Variants in TRHDE observed in about 807,000 individuals in gnomAD.
The protein encoded by TRHDE is thyrotropin-releasing hormone-degrading ectoenzyme.
Under a neutral mutation model 125.7 loss-of-function variants are expected in TRHDE, and 72 were observed. The ratio of observed to expected loss-of-function variants is 0.57; its 90% confidence interval spans 0.47 to 0.70. The LOEUF (loss-of-function observed/expected upper bound fraction) is 0.70. Among genes scored for constraint, TRHDE ranks in the 30% least tolerant of loss-of-function variants. The pLI, the probability that TRHDE is intolerant of heterozygous loss-of-function variation, is 0.00. For missense variants in TRHDE, 1,110 were observed against 1,327.1 expected (o/e 0.84, Z 2.54); for synonymous variants, 509 against 509.1 (o/e 1.00, Z 0.00).
intron 2 of TRHDE, among the ~76,000 whole-genome samples, chr12:72,154,204 G>A (rs1213953121): frequency 6.6e-6 from 1 of 152,074 alleles, no homozygotes; most frequent in Non-Finnish European, 1.5e-5. Context: ...TTTTATCAGA[G>A]ACTAGGATTG....
chr12:72,213,933 C>T (rs1424830031), intron 2 of TRHDE, among the ~76,000 whole-genome samples: 1 of 151,864 alleles, frequency 6.6e-6, no homozygotes, highest in African/African-American at 2.4e-5. Context: ...GCTAAAATTC[C>T]AAATTAAAAA....
At chr12:72,271,723 ACACACACG>A (rs1245084177), upstream of TRHDE, 32 of 364,348 alleles carry the variant, frequency 8.8e-5, no homozygotes, top group Middle Eastern at 1.7e-3. Context: ...CTGTGTATAT[ACACACACG>A]CACACACGCG....
intron 7 of TRHDE, among the ~76,000 whole-genome samples, chr12:72,548,967 AT>A (rs1245318994): frequency 6.6e-6 from 1 of 151,832 alleles, no homozygotes; most frequent in Non-Finnish European, 1.5e-5. Context: ...GTAATTCACC[AT>A]CATCTAAAAT....
In TRHDE at chr12:72,115,851, A is replaced by G. The variant is rs2139298114; in HGVS notation, n.279+10099A>G. Reference sequence around the variant, plus strand: ...TTTGCCATTTATATGTCTTTTTTAAAAAAATTTTACTTCAAGTTCTAGGAT... The same window carrying G: ...TTTGCCATTTATATGTCTTTTTTAAGAAAATTTTACTTCAAGTTCTAGGAT... On this transcript the variant is annotated intron_variant and non_coding_transcript_variant, in intron 2 of 4. Transcript: ENST00000548156. 1.3e-5 allele frequency among the ~76,000 whole-genome samples: 2 copies of G among 152,218 alleles called. 1 individual carries two copies. Among genetic ancestry groups the G allele is most frequent in the Admixed American group, 1.3e-4 (2 of 15,272 alleles).
At chr12:72,612,859 T>A (rs1872684795) in intron 12 of TRHDE, among the ~76,000 whole-genome samples, 1 of 152,170 alleles carries the variant, frequency 6.6e-6, no homozygotes, top group Non-Finnish European at 1.5e-5. Context: ...TTGACCCTAT[T>A]TCTCTACACT....
At chr12:72,342,444 A>G (rs1021594708) in intron 2 of TRHDE, among the ~76,000 whole-genome samples, 10 of 152,096 alleles carry the variant, frequency 6.6e-5, no homozygotes, top group African/African-American at 9.6e-5. Flanking sequence ...AATTTGAGAC[A>G]TATCTCTCCC....
intron 2 of TRHDE, among the ~76,000 whole-genome samples, chr12:72,206,913 T>A (rs552810055): frequency 3.9e-5 from 6 of 152,168 alleles, no homozygotes; most frequent in African/African-American, 1.4e-4. Flanking sequence ...TTGACACTAA[T>A]GACAACTCAA....
chr12:72,389,685 T>C (rs1194115926), intron 3 of TRHDE, among the ~76,000 whole-genome samples: 2 of 152,176 alleles, frequency 1.3e-5, no homozygotes, highest in Non-Finnish European at 2.9e-5. Context: ...CATGACCTTA[T>C]ATAAACCTAA....
chr12:72,398,398 G>T (rs550074022), intron 3 of TRHDE, among the ~76,000 whole-genome samples: 1 of 152,206 alleles, frequency 6.6e-6, no homozygotes, highest in Non-Finnish European at 1.5e-5. Flanking sequence ...AGATCCCTGA[G>T]GAATCGCCAC....
At chr12:72,452,970 C>T (rs924905808) in intron 3 of TRHDE, among the ~76,000 whole-genome samples, 9 of 152,156 alleles carry the variant, frequency 5.9e-5, no homozygotes, top group Non-Finnish European at 7.4e-5. Context: ...TTGAATATTT[C>T]TTTATAGCAA....
rs572944717 is a variant in TRHDE, at chr12:72,666,592, A to G, written c.*3397A>G. ...CACAATGTTTGTTGTTATTTTGGGA[A>G]CCAATATAACAACCTAAGTCTATCA... On this transcript the variant is annotated 3_prime_UTR_variant, in exon 19 of 19. Coordinates refer to ENST00000261180, the MANE Select transcript of TRHDE (RefSeq NM_013381.3). 6.6e-6 allele frequency: 1 copy of G among 152,164 alleles called. No homozygotes were observed. Among genetic ancestry groups the G allele is most frequent in the East Asian group, 1.9e-4 (1 of 5,156 alleles). The allele number at this position is 152,164 out of a possible 1,614,324, so 9.4% of individuals were successfully genotyped here.
At chr12:72,263,359 T>C (rs1160902312) in intron 2 of TRHDE, 1 of 147,560 alleles carries the variant, frequency 6.8e-6, no homozygotes, top group East Asian at 1.9e-4. Flanking sequence ...GGTCCCCAGG[T>C]TAAAAAAAAA....
At chr12:72,368,632 G>T (rs545628971) in intron 2 of TRHDE, among the ~76,000 whole-genome samples, 1 of 152,186 alleles carries the variant, frequency 6.6e-6, no homozygotes, top group Non-Finnish European at 1.5e-5. Flanking sequence ...GGGAGCTTTT[G>T]TCTTTTGCTT....
chr12:72,411,151 C>A (rs1309927659), intron 3 of TRHDE, among the ~76,000 whole-genome samples: 2 of 146,940 alleles, frequency 1.4e-5, no homozygotes, highest in Admixed American at 1.4e-4. Flanking sequence ...TGCAGTGAGC[C>A]GAGATTGCGC....
chr12:72,254,048 T>G (rs756395744), intron 2 of TRHDE: 1 of 152,142 alleles, frequency 6.6e-6, no homozygotes, highest in Non-Finnish European at 1.5e-5. Context: ...AGGATACATG[T>G]ATGTTGCATT....
chr12:72,454,327 T>TAA (rs1875733499), intron 3 of TRHDE, among the ~76,000 whole-genome samples: 1 of 152,210 alleles, frequency 6.6e-6, no homozygotes, highest in South Asian at 2.1e-4. Flanking sequence ...GGAATCTTTT[T>TAA]AAGCTGTCTA....
Position 72,272,936 on chromosome 12 carries a change from C to A in TRHDE, c.293C>A (p.Ala98Glu). 1 of 1,577,512 alleles carries A rather than the reference C, an allele frequency of 6.3e-7. No individual in the cohort carries two copies. Among genetic ancestry groups the A allele is most frequent in the Non-Finnish European group, 8.6e-7 (1 of 1,169,572 alleles). ...GCTGTGTCCCTCGTGGCATTGCTCG[C>A]GGTCACAATGCTCGCTGTGCTGCTC... ...AFAVSLVALL[A>E]VTMLAVLLSL... Residue 98 changes from alanine to glutamate, a missense_variant, in exon 1 of 19, where the codon GCG becomes GAG. Transcript: ENST00000261180. The surrounding 1 kb of genome is among the most constrained non-coding windows in gnomAD (Gnocchi z 6.7).
At chr12:72,515,297 C>T (rs1878794040) in intron 6 of TRHDE, among the ~76,000 whole-genome samples, 1 of 139,146 alleles carries the variant, frequency 7.2e-6, no homozygotes, top group African/African-American at 2.9e-5. Context: ...TCTCCAGCAC[C>T]TGTTGTTTCC....
chr12:72,113,807 G>A (rs1875379068), intron 2 of TRHDE, among the ~76,000 whole-genome samples: 1 of 151,932 alleles, frequency 6.6e-6, no homozygotes, highest in African/African-American at 2.4e-5. Context: ...ATGGTATTGG[G>A]AAGAATAAAC....
Sources: allele counts gnomAD v4.1 joint callset (sites outside exome capture counted in the v4.1 genomes callset), GRCh38; gene constraint gnomAD v4.1.1; non-coding constraint Gnocchi (gnomAD v3.1); transcripts MANE v1.5; gene names NCBI Gene and HGNC (gene_info 2026-07-23, HGNC 2026-07-21).